The following PROS1 variants were observed in gnomAD, a reference collection of about 807,000 sequenced individuals.
The protein encoded by PROS1 is vitamin K-dependent protein S.
PROS1 carries 29 observed loss-of-function variants against 75.9 expected under a neutral mutation model. The ratio of observed to expected loss-of-function variants is 0.38; its 90% confidence interval spans 0.28 to 0.52. The LOEUF is 0.52. Ranked by LOEUF, PROS1 falls within the 20% of genes least tolerant of loss-of-function variation. PROS1 has a pLI of 0.83. For synonymous variants in PROS1, 245 were observed against 280.6 expected, an observed-to-expected ratio of 0.87 and a Z score of 1.27; for missense variants, 680 against 810.3, an observed-to-expected ratio of 0.84 and a Z score of 1.95.
intron 1 of PROS1, among the ~76,000 whole-genome samples, chr3:93,934,044 G>T (rs940697678): frequency 2.0e-5 from 3 of 149,966 alleles, no homozygotes; most frequent in African/African-American, 7.4e-5. Flanking sequence ...ACCAGGAGTG[G>T]TGGTGGGCAC....
chr3:93,956,384 C>T (rs191682156), intron 1 of PROS1, among the ~76,000 whole-genome samples: 153 of 152,166 alleles, frequency 1.0e-3, no homozygotes, highest in Middle Eastern at 6.8e-3. Context: ...GTAGTCCCAG[C>T]TACTCAAGAG....
intron 12 of PROS1, among the ~76,000 whole-genome samples, chr3:93,883,760 A>G (rs1391562981): frequency 1.3e-5 from 2 of 151,968 alleles, no homozygotes; most frequent in African/African-American, 2.4e-5. Flanking sequence ...TGAGATCAGC[A>G]GTTCAAAACC....
chr3:93,876,928 A>G, intron 14 of PROS1, 38 bp downstream of exon 14: 2 of 1,331,248 alleles, frequency 1.5e-6, no homozygotes, highest in African/African-American at 2.9e-5. Flanking sequence ...TTTGATTAAA[A>G]TATACTTTTT....
At chr3:93,878,142 T>C (rs759241836) in intron 13 of PROS1, among the ~76,000 whole-genome samples, 1 of 152,094 alleles carries the variant, frequency 6.6e-6, no homozygotes, top group East Asian at 1.9e-4. Context: ...ATCAAAGACA[T>C]GGCATGCGTT....
At chr3:93,946,278 C>G (rs995746095) in intron 1 of PROS1, among the ~76,000 whole-genome samples, 1 of 152,182 alleles carries the variant, frequency 6.6e-6, no homozygotes, top group African/African-American at 2.4e-5. Context: ...CTACCAATGA[C>G]TTTCTTCACA....
At chr3:93,906,885 C>T (rs8178631) in intron 4 of PROS1, among the ~76,000 whole-genome samples, 2,676 of 152,326 alleles carry the variant, frequency 0.018, 71 homozygotes, top group African/African-American at 0.059. Flanking sequence ...CAGGGCAGCG[C>T]TAACATGCCA....
chr3:93,890,070 T>C (rs1270951314), intron 10 of PROS1, among the ~76,000 whole-genome samples: 2 of 152,148 alleles, frequency 1.3e-5, no homozygotes, highest in Non-Finnish European at 2.9e-5. Flanking sequence ...AAGGAATGCA[T>C]TCCTGGGAGG....
At chr3:93,883,063 A>G (rs1244436881) in intron 12 of PROS1, among the ~76,000 whole-genome samples, 1 of 152,214 alleles carries the variant, frequency 6.6e-6, no homozygotes, top group Non-Finnish European at 1.5e-5. Context: ...GTCAGGGAAG[A>G]GGAACAGTGA....
At chr3:93,891,081 C>T (rs1708424674) in intron 10 of PROS1, among the ~76,000 whole-genome samples, 1 of 152,054 alleles carries the variant, frequency 6.6e-6, no homozygotes, top group Admixed American at 6.5e-5. Flanking sequence ...GCCTGGGTGA[C>T]AGAGCAAGAC....
chr3:93,947,629 T>C (rs534878327), intron 1 of PROS1, among the ~76,000 whole-genome samples: 114 of 152,176 alleles, frequency 7.5e-4, no homozygotes, highest in African/African-American at 2.7e-3. Flanking sequence ...TGCAGTGGCG[T>C]GATCTCGGCT....
intron 12 of PROS1, among the ~76,000 whole-genome samples, chr3:93,880,734 G>C (rs1190643456): frequency 6.6e-6 from 1 of 152,038 alleles, no homozygotes; most frequent in South Asian, 2.1e-4. Context: ...CGAATGTATA[G>C]AAGTTAAAAT....
intron 13 of PROS1, 24 bp downstream of exon 13, chr3:93,879,139 T>C: frequency 5.6e-6 from 9 of 1,605,292 alleles, no homozygotes; most frequent in Non-Finnish European, 6.8e-6. Flanking sequence ...AAACAAGGCT[T>C]ATATAGGTTT....
intron 4 of PROS1, among the ~76,000 whole-genome samples, chr3:93,909,829 T>G (rs879273134): frequency 1.3e-5 from 2 of 152,136 alleles, no homozygotes; most frequent in African/African-American, 2.4e-5. Context: ...TTTTGAAATG[T>G]GGCAATACAT....
chr3:93,944,416 C>A (rs932588787), intron 1 of PROS1, among the ~76,000 whole-genome samples: 17 of 152,170 alleles, frequency 1.1e-4, no homozygotes, highest in Admixed American at 3.3e-4. Context: ...AAAAGCACTC[C>A]TCAGCAAATC....
intron 1 of PROS1, among the ~76,000 whole-genome samples, chr3:93,953,238 C>A (rs75063187): frequency 1.3e-5 from 2 of 152,158 alleles, no homozygotes; most frequent in Non-Finnish European, 2.9e-5. Flanking sequence ...AGGCCAGCAT[C>A]ATCCTGATAC....
At chr3:93,903,516 A>G (rs1434098781) in intron 6 of PROS1, among the ~76,000 whole-genome samples, 2 of 152,024 alleles carry the variant, frequency 1.3e-5, no homozygotes, top group African/African-American at 4.8e-5. Flanking sequence ...CAAAAGCTAC[A>G]AACATTAGCC....
chr3:93,922,648 AGTTAGTAAAACTACT>A, intron 3 of PROS1, among the ~76,000 whole-genome samples: 1 of 152,262 alleles, frequency 6.6e-6, no homozygotes, highest in East Asian at 1.9e-4. Context: ...GAGCTGTTGT[AGTTAGTAAAACTACT>A]GTTAGATTTA....
chr3:93,919,750 A>C (rs1385870233), intron 3 of PROS1, among the ~76,000 whole-genome samples: 1 of 152,094 alleles, frequency 6.6e-6, no homozygotes, highest in Non-Finnish European at 1.5e-5. Flanking sequence ...TTCCATCTAG[A>C]ATTCACCTTT....
intron 10 of PROS1, among the ~76,000 whole-genome samples, chr3:93,892,709 A>G (rs1303005344): frequency 6.6e-6 from 1 of 152,180 alleles, no homozygotes; most frequent in Admixed American, 6.5e-5. Context: ...AAAAAGTTAA[A>G]GACAGAGTAG....
Sources: gnomAD v4.1 joint callset for allele counts (sites outside exome capture counted in the v4.1 genomes callset) on GRCh38, gnomAD v4.1.1 for gene constraint, MANE v1.5 for transcripts, NCBI Gene and HGNC (gene_info 2026-07-23, HGNC 2026-07-21) for gene names.